COL6A6: variants seen among roughly 807,000 people sequenced by gnomAD.
The protein encoded by COL6A6 is collagen type VI alpha 6 chain.
COL6A6 carries 183 observed loss-of-function variants against 208.6 expected under a neutral mutation model. That is an observed-to-expected ratio of 0.88 (90% CI 0.78 to 0.99). The LOEUF (loss-of-function observed/expected upper bound fraction) is 0.99, where lower values mean the gene tolerates loss of function less well. Ranked by LOEUF, COL6A6 falls within the 50% of genes least tolerant of loss-of-function variation. The pLI, the probability that COL6A6 is intolerant of heterozygous loss-of-function variation, is 0.00. For missense variants in COL6A6, 2,816 were observed against 2,815.2 expected (o/e 1.00, Z -0.01); for synonymous variants, 973 against 1,011.8 (o/e 0.96, Z 0.73).
intron 21 of COL6A6, 119 bp from the exon 22 acceptor site, chr3:130,608,783 T>TC (rs1486862317): frequency 3.4e-6 from 1 of 296,466 alleles, no homozygotes; most frequent in African/African-American, 2.3e-5. Flanking sequence ...TTTTTTTTTT[T>TC]TTTTTTTGCA....
intron 6 of COL6A6, among the ~76,000 whole-genome samples, chr3:130,569,886 A>G (rs2063118837): frequency 6.6e-6 from 1 of 152,188 alleles, no homozygotes; most frequent in Non-Finnish European, 1.5e-5. Context: ...AACAGCCCTT[A>G]CATAGCAAGT....
intron 36 of COL6A6, among the ~76,000 whole-genome samples, chr3:130,670,599 C>T (rs551026588): frequency 6.6e-6 from 1 of 152,360 alleles, no homozygotes; most frequent in African/African-American, 2.4e-5. Flanking sequence ...ACCCCACCTA[C>T]CCTAGACTGG....
intron 1 of COL6A6, among the ~76,000 whole-genome samples, chr3:130,545,913 A>G (rs909570175): frequency 1.3e-5 from 2 of 152,106 alleles, no homozygotes; most frequent in African/African-American, 2.4e-5. Flanking sequence ...TGTTTCAAAT[A>G]TTACTTCTAC....
chr3:130,568,407 A>G lies in COL6A6; in HGVS notation c.2204A>G (p.Gln735Arg), dbSNP rs776178739. The G allele has an allele frequency of 1.7e-5, 28 of 1,614,036 alleles. No homozygotes were observed. Among genetic ancestry groups the G allele is most frequent in the Non-Finnish European group, 2.4e-5 (28 of 1,179,894 alleles). The stretch of plus-strand genomic sequence containing the variant: ...ATCCTCATCACGGATGGTGAAGCTC[A>G]GGACATAGTAAAGGAACCAGCAGTA... ...FLILITDGEA[Q>R]DIVKEPAVVL... Residue 735 changes from glutamine (Q) to arginine (R), a missense_variant, in exon 6 of 37, where the codon CAG becomes CGG. Coordinates refer to ENST00000358511, the MANE Select transcript of COL6A6 (RefSeq NM_001102608.3).
In COL6A6 at chr3:130,610,734, G is replaced by C. The variant is rs375266317; in HGVS notation, c.4815+23G>C. On this transcript the variant is annotated intron_variant, in intron 23 of 36. Transcript: ENST00000358511. ...CAGGTATGTAATGAGAAAAATGATT[G>C]CATCTGACTTTGATCTTGGCTTGAT... is the stretch of plus-strand genomic sequence containing the variant. The C allele has an allele frequency of 1.3e-5, 20 of 1,529,810 alleles. No homozygotes were observed. In the African/African-American group the frequency reaches 2.5e-4, roughly 19 times the overall value. 94.8% of individuals were successfully genotyped at this position (1,529,810 alleles called of 1,614,324 possible).
At chr3:130,669,386 CTG>C (rs2066155148) in intron 36 of COL6A6, among the ~76,000 whole-genome samples, 1 of 151,588 alleles carries the variant, frequency 6.6e-6, no homozygotes, top group South Asian at 2.1e-4. Flanking sequence ...GAGTGAGACT[CTG>C]TCTCAAAAAA....
chr3:130,541,299 T>C (rs1009707527), intron 1 of COL6A6, among the ~76,000 whole-genome samples: 1 of 152,206 alleles, frequency 6.6e-6, no homozygotes, highest in African/African-American at 2.4e-5. Context: ...AACACTTGAG[T>C]TTCCTCCATG....
chr3:130,648,999 C>T (rs1576394674), intron 32 of COL6A6, 70 bp from the exon 33 acceptor site: 2 of 1,268,516 alleles, frequency 1.6e-6, no homozygotes, highest in East Asian at 5.3e-5. Context: ...TTTAAAATTA[C>T]TTTGCCTTCT....
At chr3:130,538,790 G>T (rs1005791629) in intron 1 of COL6A6, among the ~76,000 whole-genome samples, 2 of 152,088 alleles carry the variant, frequency 1.3e-5, no homozygotes, top group Admixed American at 1.3e-4. Context: ...GAGTGATTCT[G>T]CCTGTGCCTC....
intron 20 of COL6A6, among the ~76,000 whole-genome samples, chr3:130,605,516 G>C (rs928505033): frequency 4.6e-5 from 7 of 152,052 alleles, no homozygotes; most frequent in African/African-American, 1.4e-4. Context: ...TAAAAGAGAA[G>C]TGAATTGAAT....
At chr3:130,627,122 T>G (rs1398373664) in intron 25 of COL6A6, among the ~76,000 whole-genome samples, 197 bp from the exon 26 acceptor site, 1 of 152,212 alleles carries the variant, frequency 6.6e-6, no homozygotes, top group Non-Finnish European at 1.5e-5. Context: ...CTAGGGACAG[T>G]GCATTGTCTG....
intron 20 of COL6A6, among the ~76,000 whole-genome samples, chr3:130,606,031 G>A (rs933525068): frequency 1.3e-5 from 2 of 152,228 alleles, no homozygotes; most frequent in African/African-American, 4.8e-5. Context: ...TGAGATTTGG[G>A]TGGGGACACA....
intron 1 of COL6A6, among the ~76,000 whole-genome samples, 52 bp downstream of exon 1, chr3:130,517,449 A>G (rs903186827): frequency 5.3e-5 from 8 of 152,258 alleles, no homozygotes; most frequent in African/African-American, 1.9e-4. Context: ...TAGGTTTACA[A>G]GTGATCAGTA....
Position 130,581,594 on chromosome 3 carries a change from TCTCAA to T in COL6A6, c.3586_3590del (p.Thr1196GlyfsTer8), listed in dbSNP as rs776743164. On this transcript the variant is annotated frameshift_variant, in exon 9 of 37. Coordinates refer to ENST00000358511, the MANE Select transcript of COL6A6 (RefSeq NM_001102608.3). LOFTEE classifies it high-confidence loss of function. ...GTGGATGTTGTGGTGGGATTTGATG[TCTCAA>T]CTCAGGAGAAAGGGCAGACTTTGCT... 1 of 1,612,750 alleles carries T rather than the reference TCTCAA, an allele frequency of 6.2e-7. No individual in the cohort carries two copies. Among genetic ancestry groups the T allele is most frequent in the South Asian group, 1.1e-5 (1 of 90,910 alleles).
At chr3:130,574,650 T>C in intron 8 of COL6A6, 125 bp downstream of exon 8, 1 of 752,144 alleles carries the variant, frequency 1.3e-6, no homozygotes, top group Non-Finnish European at 2.1e-6. Flanking sequence ...GATTTCAAAT[T>C]GAGCTTTTCA....
chr3:130,545,475 T>C (rs1348937563), intron 1 of COL6A6, among the ~76,000 whole-genome samples: 3 of 133,958 alleles, frequency 2.2e-5, no homozygotes, highest in Non-Finnish European at 4.8e-5. Context: ...TTTTTTTAGA[T>C]GGGATTTCTC....
At chr3:130,552,670 A>G (rs2062671596) in intron 1 of COL6A6, among the ~76,000 whole-genome samples, 1 of 152,094 alleles carries the variant, frequency 6.6e-6, no homozygotes. Context: ...ATATGTGCGA[A>G]TTTCATCCTG....
At chr3:130,603,151 A>G (rs2064075738) in intron 20 of COL6A6, among the ~76,000 whole-genome samples, 1 of 152,214 alleles carries the variant, frequency 6.6e-6, no homozygotes, top group Non-Finnish European at 1.5e-5. Flanking sequence ...AAACTCAACT[A>G]CAAGCTTAAC....
intron 36 of COL6A6, among the ~76,000 whole-genome samples, chr3:130,671,715 CATTCTGTGAG>C (rs1329646828): frequency 1.3e-5 from 2 of 152,164 alleles, no homozygotes; most frequent in Non-Finnish European, 2.9e-5. Context: ...GGAATTAGGT[CATTCTGTGAG>C]ATTATGAGAA....
Sources: allele counts gnomAD v4.1 joint callset (sites outside exome capture counted in the v4.1 genomes callset), GRCh38; gene constraint gnomAD v4.1.1; transcripts MANE v1.5; gene names NCBI Gene and HGNC (gene_info 2026-07-23, HGNC 2026-07-21).